Variants in QTMAN observed in about 807,000 individuals in gnomAD.
The protein encoded by QTMAN is tRNA-queuosine alpha-mannosyltransferase.
the QTMAN span, among the ~76,000 whole-genome samples, chr2:143,974,569 G>T: frequency 6.6e-6 from 1 of 152,164 alleles, no homozygotes; most frequent in Non-Finnish European, 1.5e-5. Flanking sequence ...AAGTAAAAGA[G>T]AGATGACAGA....
At chr2:144,252,726 C>A in the QTMAN span, among the ~76,000 whole-genome samples, 1 of 152,132 alleles carries the variant, frequency 6.6e-6, no homozygotes, top group African/African-American at 2.4e-5. Flanking sequence ...ACCATGCAAT[C>A]CAGCAACTGT....
chr2:144,250,386 G>A, the QTMAN span, among the ~76,000 whole-genome samples: 9 of 151,772 alleles, frequency 5.9e-5, no homozygotes, highest in African/African-American at 2.2e-4. Context: ...TCATGTGCCT[G>A]CCCACCTCAG....
the QTMAN span, among the ~76,000 whole-genome samples, chr2:143,957,763 G>A: frequency 6.6e-6 from 1 of 152,198 alleles, no homozygotes; most frequent in East Asian, 1.9e-4. Context: ...GACTGCATTC[G>A]GAAAAATTAA....
the QTMAN span, chr2:144,141,943 T>C: frequency 6.2e-7 from 1 of 1,611,708 alleles, no homozygotes; most frequent in Non-Finnish European, 8.5e-7. Context: ...CTGATGATGC[T>C]TTCCAGATCC....
chr2:144,062,711 G>T, the QTMAN span, among the ~76,000 whole-genome samples: 1 of 152,102 alleles, frequency 6.6e-6, no homozygotes, highest in African/African-American at 2.4e-5. Context: ...TAACTACCAT[G>T]AAAAAATTAC....
the QTMAN span, among the ~76,000 whole-genome samples, chr2:144,281,300 A>G: frequency 6.6e-6 from 1 of 151,576 alleles, no homozygotes; most frequent in African/African-American, 2.4e-5. Flanking sequence ...GCTACAATCC[A>G]ATAATTCTAT....
At chr2:144,208,711 T>A in the QTMAN span, 6 of 1,613,664 alleles carry the variant, frequency 3.7e-6, no homozygotes, top group East Asian at 1.3e-4. Context: ...GTCTCCTAAC[T>A]CTTCTTGAAG....
the QTMAN span, among the ~76,000 whole-genome samples, chr2:144,115,265 A>AAC: frequency 6.6e-6 from 1 of 150,758 alleles, no homozygotes; most frequent in East Asian, 2.0e-4. Flanking sequence ...ACAACAACAA[A>AAC]AACTGAAATC....
At chr2:144,074,665 T>C in the QTMAN span, among the ~76,000 whole-genome samples, 20 of 152,156 alleles carry the variant, frequency 1.3e-4, 1 homozygote, top group Non-Finnish European at 2.9e-4. Flanking sequence ...ATTCAGACAC[T>C]AAGGCCGTAA....
At chr2:144,332,006 G>A in the QTMAN span, among the ~76,000 whole-genome samples, 2 of 152,198 alleles carry the variant, frequency 1.3e-5, no homozygotes, top group Non-Finnish European at 2.9e-5. Context: ...GGCCAACCCG[G>A]ACGCCCGGCC....
the QTMAN span, among the ~76,000 whole-genome samples, chr2:144,015,396 A>G: frequency 6.6e-6 from 1 of 152,050 alleles, no homozygotes; most frequent in African/African-American, 2.4e-5. Flanking sequence ...CTGGTGGTCA[A>G]TTTCCTAAGG....
chr2:144,178,317 C>A, the QTMAN span: 1 of 152,082 alleles, frequency 6.6e-6, no homozygotes, highest in Admixed American at 6.6e-5. Flanking sequence ...AATGAGATGA[C>A]ACACACATAA....
chr2:144,230,583 C>T, the QTMAN span, among the ~76,000 whole-genome samples: 11 of 152,076 alleles, frequency 7.2e-5, no homozygotes, highest in East Asian at 2.1e-3. Context: ...TTTACAGGGG[C>T]ATATTGGCAG....
the QTMAN span, among the ~76,000 whole-genome samples, chr2:144,226,651 C>A: frequency 6.6e-6 from 1 of 152,098 alleles, no homozygotes; most frequent in South Asian, 2.1e-4. Flanking sequence ...GAATTAAGTT[C>A]TATCCATGCA....
At chr2:144,033,394 T>C in the QTMAN span, among the ~76,000 whole-genome samples, 1 of 152,170 alleles carries the variant, frequency 6.6e-6, no homozygotes, top group Non-Finnish European at 1.5e-5. Flanking sequence ...GACTGGTTTA[T>C]TGTAAAAGGA....
At chr2:144,089,267 T>A in the QTMAN span, among the ~76,000 whole-genome samples, 1 of 151,886 alleles carries the variant, frequency 6.6e-6, no homozygotes, top group East Asian at 1.9e-4. Flanking sequence ...CCAGTCAGAA[T>A]GGCTATTATT....
chr2:144,069,185 A>AT, the QTMAN span, among the ~76,000 whole-genome samples: 1 of 151,222 alleles, frequency 6.6e-6, no homozygotes, highest in Non-Finnish European at 1.5e-5. Flanking sequence ...TGATGACAAA[A>AT]TTTTTCTGAA....
chr2:144,139,411 TG>T, the QTMAN span, among the ~76,000 whole-genome samples: 1 of 152,036 alleles, frequency 6.6e-6, no homozygotes, highest in African/African-American at 2.4e-5. Context: ...CCTAGGTACA[TG>T]GTATACATTA....
the QTMAN span, among the ~76,000 whole-genome samples, chr2:144,221,349 C>T: frequency 6.6e-6 from 1 of 151,952 alleles, no homozygotes; most frequent in Admixed American, 6.6e-5. Context: ...AAATATCCTA[C>T]AAAAAGGGAT....
Sources: gnomAD v4.1 joint callset for allele counts (sites outside exome capture counted in the v4.1 genomes callset) on GRCh38, gnomAD v4.1.1 for gene constraint, MANE v1.5 for transcripts, NCBI Gene and HGNC (gene_info 2026-07-23, HGNC 2026-07-21) for gene names.